Variants in CFAP61 observed in about 807,000 individuals in gnomAD.
CFAP61 encodes the protein cilia- and flagella-associated protein 61.
CFAP61 carries 107 observed loss-of-function variants against 135.6 expected under a neutral mutation model. That is an observed-to-expected ratio of 0.79 (90% CI 0.67 to 0.93). The LOEUF (loss-of-function observed/expected upper bound fraction) is 0.93. CFAP61 is among the 40% of genes least tolerant of loss of function. The probability of loss-of-function intolerance (pLI) is 0.00; values close to 1 mark genes in which losing one functional copy is unlikely to be tolerated. For synonymous variants in CFAP61, 575 were observed against 578.5 expected, an observed-to-expected ratio of 0.99 and a Z score of 0.09; for missense variants, 1,507 against 1,556.2, an observed-to-expected ratio of 0.97 and a Z score of 0.53.
chr20:20,137,945 A>G lies in CFAP61; in HGVS notation c.860-4912A>G, dbSNP rs2051065052. On this transcript the variant is annotated intron_variant, in intron 8 of 26. Coordinates refer to ENST00000245957, the MANE Select transcript of CFAP61 (RefSeq NM_015585.4). ...TACTGCTGCTGATTATTCAGGGCCC[A>G]GGGGCTCTTTAGTCACCACATGATG... is the stretch of plus-strand genomic sequence containing the variant. 2.0e-5 allele frequency among the ~76,000 whole-genome samples: 3 copies of G among 152,238 alleles called. 1 individual carries two copies. Among genetic ancestry groups the G allele is most frequent in the African/African-American group, 2.4e-5 (1 of 41,546 alleles).
At chr20:20,186,907 T>C (rs2055543669) in intron 13 of CFAP61, among the ~76,000 whole-genome samples, 3 of 152,160 alleles carry the variant, frequency 2.0e-5, no homozygotes, top group African/African-American at 7.2e-5. Flanking sequence ...CTACATAATA[T>C]ACAGGACCCA....
chr20:20,152,087 C>T (rs1055339538), intron 9 of CFAP61, among the ~76,000 whole-genome samples: 2 of 152,008 alleles, frequency 1.3e-5, no homozygotes, highest in African/African-American at 2.4e-5. Context: ...AAATAATTGC[C>T]AGCCAAGAAT....
chr20:20,301,570 G>A (rs895413230), intron 25 of CFAP61, among the ~76,000 whole-genome samples: 1 of 152,202 alleles, frequency 6.6e-6, no homozygotes, highest in Non-Finnish European at 1.5e-5. Flanking sequence ...GGCCAGTCTA[G>A]TGGCATACAA....
chr20:20,081,775 C>T (rs980156492), intron 6 of CFAP61, among the ~76,000 whole-genome samples: 2 of 150,900 alleles, frequency 1.3e-5, no homozygotes, highest in South Asian at 4.1e-4. Flanking sequence ...AGGTCTTGCA[C>T]ATACAGCCCC....
Position 20,135,158 on chromosome 20 carries a change from G to A in CFAP61, c.860-7699G>A, listed in dbSNP as rs781635151. On this transcript the variant is annotated intron_variant, in intron 8 of 26. Transcript: ENST00000245957. ...TGGAATCAGATTGGAATGATGTAACGAGCCAAGGAATGCCAAAGCCAACAG... is the reference window on the plus strand; with the variant it reads ...TGGAATCAGATTGGAATGATGTAACAAGCCAAGGAATGCCAAAGCCAACAG... 1.1e-4 allele frequency among the ~76,000 whole-genome samples: 16 copies of A among 152,138 alleles called. No homozygotes were observed. In the East Asian group the frequency reaches 1.3e-3, roughly 13 times the overall value.
chr20:20,154,047 T>TCA (rs2052674023), intron 9 of CFAP61, among the ~76,000 whole-genome samples: 1 of 152,094 alleles, frequency 6.6e-6, no homozygotes, highest in Non-Finnish European at 1.5e-5. Flanking sequence ...GATGCAGGGT[T>TCA]TAACATATAC....
At chr20:20,167,975 G>C (rs1344494049) in intron 12 of CFAP61, among the ~76,000 whole-genome samples, 1 of 152,192 alleles carries the variant, frequency 6.6e-6, no homozygotes, top group African/African-American at 2.4e-5. Flanking sequence ...CAGACATGGA[G>C]TGTGAGCCAC....
chr20:20,257,309 A>G (rs2051691752), intron 20 of CFAP61, among the ~76,000 whole-genome samples: 1 of 152,210 alleles, frequency 6.6e-6, no homozygotes, highest in African/African-American at 2.4e-5. Context: ...AATAATTGAG[A>G]TAGAAAAGAA....
intron 9 of CFAP61, among the ~76,000 whole-genome samples, chr20:20,157,270 G>A (rs546381693): frequency 2.0e-5 from 3 of 152,050 alleles, no homozygotes; most frequent in Non-Finnish European, 4.4e-5. Flanking sequence ...ATGGGGGTTT[G>A]CTATGTTGGC....
intron 6 of CFAP61, among the ~76,000 whole-genome samples, chr20:20,087,161 A>G (rs1568868376): frequency 6.6e-6 from 1 of 152,158 alleles, no homozygotes; most frequent in African/African-American, 2.4e-5. Flanking sequence ...TTTTAGATTT[A>G]GGGGGTACAT....
chr20:20,208,738 C>T (rs2056972128), intron 17 of CFAP61, among the ~76,000 whole-genome samples: 1 of 152,190 alleles, frequency 6.6e-6, no homozygotes, highest in African/African-American at 2.4e-5. Context: ...TGGAGGTGCC[C>T]CATAGGAAGG....
chr20:20,293,672 C>T (rs1009771181), intron 24 of CFAP61, among the ~76,000 whole-genome samples: 5 of 152,074 alleles, frequency 3.3e-5, no homozygotes, highest in African/African-American at 4.8e-5. Context: ...ATATTTAAGT[C>T]GGAAGATACT....
intron 18 of CFAP61, among the ~76,000 whole-genome samples, chr20:20,231,975 C>T (rs753285747): frequency 6.6e-6 from 1 of 151,820 alleles, no homozygotes; most frequent in Admixed American, 6.6e-5. Flanking sequence ...GTTCCTGGCT[C>T]GGACACTATG....
intron 14 of CFAP61, among the ~76,000 whole-genome samples, chr20:20,189,586 C>T (rs1007044430): frequency 1.3e-5 from 2 of 152,146 alleles, no homozygotes; most frequent in Non-Finnish European, 2.9e-5. Context: ...TGTTCTTCAC[C>T]GTCATCCCAG....
chr20:20,145,960 A>G (rs979313950), intron 9 of CFAP61, among the ~76,000 whole-genome samples: 1 of 152,240 alleles, frequency 6.6e-6, no homozygotes, highest in Non-Finnish European at 1.5e-5. Context: ...ATCAGTAAGG[A>G]TAAAGAAGAT....
At chr20:20,140,439 C>T (rs1394003829) in intron 8 of CFAP61, among the ~76,000 whole-genome samples, 19 of 25,280 alleles carry the variant, frequency 7.5e-4, no homozygotes, top group African/African-American at 1.1e-3. Context: ...TGAGAACATG[C>T]GGTGTTTGGT....
At chr20:20,263,448 G>A (rs1470383880) in intron 21 of CFAP61, among the ~76,000 whole-genome samples, 1 of 151,010 alleles carries the variant, frequency 6.6e-6, no homozygotes, top group Non-Finnish European at 1.5e-5. Flanking sequence ...AAGCAAACAT[G>A]TTTAGCAATT....
Position 20,239,791 on chromosome 20 carries a change from G to A in CFAP61, c.2061-6326G>A, listed in dbSNP as rs778353209. On this transcript the variant is annotated intron_variant, in intron 18 of 26. Coordinates refer to ENST00000245957, the MANE Select transcript of CFAP61 (RefSeq NM_015585.4). ...GGTAGGGATTTTAAAACCGGAAACC[G>A]TTGAGATTTTATTTAATTTAAAAAG... Among the ~76,000 whole-genome samples, 10 of 152,174 alleles carry A rather than the reference G, an allele frequency of 6.6e-5. 1 individual carries two copies. The highest frequency in any genetic ancestry group is 1.3e-4 in the Admixed American group (2 of 15,272).
chr20:20,296,669 T>C (rs1461423736), intron 24 of CFAP61, among the ~76,000 whole-genome samples: 9 of 152,126 alleles, frequency 5.9e-5, no homozygotes, highest in Non-Finnish European at 1.5e-5. Flanking sequence ...ACTGTAAGGA[T>C]AAACAATAAA....
Sources: gnomAD v4.1 joint callset for allele counts (sites outside exome capture counted in the v4.1 genomes callset) on GRCh38, gnomAD v4.1.1 for gene constraint, MANE v1.5 for transcripts, NCBI Gene and HGNC (gene_info 2026-07-23, HGNC 2026-07-21) for gene names.